The following ST7 variants were observed in gnomAD, a reference collection of about 807,000 sequenced individuals.
ST7 encodes the protein suppressor of tumorigenicity 7 protein.
ST7 carries 28 observed loss-of-function variants against 78.7 expected under a neutral mutation model. The ratio of observed to expected loss-of-function variants is 0.36; its 90% CI spans 0.26 to 0.49. ST7 has a LOEUF of 0.49. Among genes scored for constraint, ST7 ranks in the 20% least tolerant of loss-of-function variants. ST7 has a pLI of 0.99. For missense variants in ST7, 418 were observed against 696.0 expected (o/e 0.60, Z 4.49); for synonymous variants, 247 against 249.6 (o/e 0.99, Z 0.10).
chr7:117,221,644 G>A (rs1793098531), intron 14 of ST7, among the ~76,000 whole-genome samples: 1 of 152,090 alleles, frequency 6.6e-6, no homozygotes, highest in Admixed American at 6.5e-5. Context: ...AGGCATAGGC[G>A]GTGCTCCTCT....
At chr7:117,193,118 G>A (rs1225351652) in intron 12 of ST7, among the ~76,000 whole-genome samples, 2 of 149,410 alleles carry the variant, frequency 1.3e-5, no homozygotes, top group African/African-American at 2.5e-5. Context: ...TATACAGTAT[G>A]CAGTGTGCTC....
intron 5 of ST7, 34 bp downstream of exon 5, chr7:117,130,640 G>A: frequency 6.5e-7 from 1 of 1,535,842 alleles, no homozygotes; most frequent in Middle Eastern, 1.7e-4. Flanking sequence ...CTGAATGGGA[G>A]GGCTTTTTGG....
At chr7:117,097,643 A>G (rs1232063888) in intron 1 of ST7, among the ~76,000 whole-genome samples, 2 of 151,312 alleles carry the variant, frequency 1.3e-5, no homozygotes, top group Non-Finnish European at 3.0e-5. Flanking sequence ...TTTTAAAAAA[A>G]TAACAGGGAA....
chr7:117,169,576 C>T (rs890215437), intron 9 of ST7, among the ~76,000 whole-genome samples: 1 of 152,078 alleles, frequency 6.6e-6, no homozygotes, highest in African/African-American at 2.4e-5. Context: ...GTGTGGAACC[C>T]GTGGACCATT....
At chr7:117,150,909 C>T (rs1303197285) in intron 9 of ST7, among the ~76,000 whole-genome samples, 1 of 152,212 alleles carries the variant, frequency 6.6e-6, no homozygotes, top group Non-Finnish European at 1.5e-5. Context: ...TACTTAGTTG[C>T]TCACGTGAAA....
intron 1 of ST7, among the ~76,000 whole-genome samples, chr7:116,981,193 C>G (rs542160817): frequency 1.3e-5 from 2 of 152,024 alleles, no homozygotes; most frequent in Non-Finnish European, 2.9e-5. Flanking sequence ...ACTGCAGCCT[C>G]GACCTCCCAG....
At chr7:117,157,312 G>A (rs964734074) in intron 9 of ST7, among the ~76,000 whole-genome samples, 6 of 152,204 alleles carry the variant, frequency 3.9e-5, no homozygotes, top group Admixed American at 2.0e-4. Context: ...TGCAAAAGAA[G>A]CAGTGAACTC....
At chr7:117,002,916 A>G (rs1418233607) in intron 1 of ST7, among the ~76,000 whole-genome samples, 1 of 124,768 alleles carries the variant, frequency 8.0e-6, no homozygotes, top group Non-Finnish European at 1.6e-5. Flanking sequence ...TCTGCCTCCC[A>G]GGTTCAAGCA....
intron 1 of ST7, among the ~76,000 whole-genome samples, chr7:117,049,423 C>T (rs1300605004): frequency 1.3e-5 from 2 of 152,154 alleles, no homozygotes; most frequent in Non-Finnish European, 2.9e-5. Context: ...TAAACCAAAC[C>T]TCTTTCTAAA....
At chr7:117,036,142 C>A (rs1432647756) in intron 1 of ST7, among the ~76,000 whole-genome samples, 1 of 152,144 alleles carries the variant, frequency 6.6e-6, no homozygotes, top group East Asian at 1.9e-4. Flanking sequence ...TTGTTTGGTA[C>A]TGTTTGGCAA....
At chr7:117,153,656 G>A (rs1429039009) in intron 9 of ST7, among the ~76,000 whole-genome samples, 1 of 152,204 alleles carries the variant, frequency 6.6e-6, no homozygotes, top group African/African-American at 2.4e-5. Context: ...TCCAGTACTT[G>A]TCACACAATT....
chr7:117,182,444 AAGATTT>A (rs1393380759), intron 10 of ST7, among the ~76,000 whole-genome samples: 2 of 152,252 alleles, frequency 1.3e-5, no homozygotes, highest in Admixed American at 1.3e-4. Context: ...TGAAACTATT[AAGATTT>A]AATGGCTCAG....
At chr7:116,980,398 A>G (rs1205544432) in intron 1 of ST7, among the ~76,000 whole-genome samples, 1 of 152,142 alleles carries the variant, frequency 6.6e-6, no homozygotes, top group Non-Finnish European at 1.5e-5. Context: ...CCACATAATC[A>G]ATATACCCTA....
chr7:117,031,384 ATGTG>A (rs375550076), intron 1 of ST7, among the ~76,000 whole-genome samples: 5 of 56,156 alleles, frequency 8.9e-5, no homozygotes, highest in African/African-American at 2.1e-4. Context: ...GTGTGTATAT[ATGTG>A]TATATATGTG....
intron 1 of ST7, among the ~76,000 whole-genome samples, chr7:117,079,968 CTTTTTTTTTTTTTTTT>C (rs34326752): frequency 0.042 from 2,763 of 65,692 alleles, 143 homozygotes; most frequent in African/African-American, 0.14. Flanking sequence ...TTTGTCATTC[CTTTTTTTTTTTTTTTT>C]TTTTTTTTTT....
intron 1 of ST7, among the ~76,000 whole-genome samples, chr7:117,063,848 C>T (rs1354752318): frequency 6.6e-6 from 1 of 152,158 alleles, no homozygotes; most frequent in Non-Finnish European, 1.5e-5. Flanking sequence ...ACCTTTGGTA[C>T]TACATCTTGG....
intron 9 of ST7, among the ~76,000 whole-genome samples, chr7:117,151,100 T>G (rs1265540607): frequency 6.6e-6 from 1 of 152,228 alleles, no homozygotes. Flanking sequence ...GCAGTCGGTC[T>G]CCAGACTTCC....
At chr7:117,201,754 C>T (rs1309875469) in intron 12 of ST7, among the ~76,000 whole-genome samples, 1 of 152,070 alleles carries the variant, frequency 6.6e-6, no homozygotes, top group African/African-American at 2.4e-5. Context: ...GCCTTGGCCT[C>T]CCAAAGTGCT....
chr7:117,128,553 C>G (rs1448447993), intron 3 of ST7, among the ~76,000 whole-genome samples: 1 of 151,810 alleles, frequency 6.6e-6, no homozygotes, highest in Non-Finnish European at 1.5e-5. Context: ...AAGTGGGATC[C>G]TGCCCTAATT....
Sources: allele counts gnomAD v4.1 joint callset (sites outside exome capture counted in the v4.1 genomes callset), GRCh38; gene constraint gnomAD v4.1.1; transcripts MANE v1.5; gene names NCBI Gene and HGNC (gene_info 2026-07-23, HGNC 2026-07-21).